RAD51B: variants seen among roughly 807,000 people sequenced by gnomAD.
The protein encoded by RAD51B is RAD51 paralog B.
A neutral mutation model predicts 42.2 loss-of-function variants in RAD51B; 38 were observed. The observed-to-expected ratio is 0.90, with a 90% confidence interval of 0.70 to 1.18. RAD51B has a LOEUF of 1.18. Ranked by LOEUF, RAD51B falls within the 50% of genes most tolerant of loss-of-function variation. The pLI is 0.00. For missense variants in RAD51B, 373 were observed against 400.7 expected (o/e 0.93, Z 0.59); for synonymous variants, 154 against 145.2 (o/e 1.06, Z -0.43).
At chr14:67,893,227 G>A (rs1013749945) in intron 7 of RAD51B, among the ~76,000 whole-genome samples, 1 of 152,024 alleles carries the variant, frequency 6.6e-6, no homozygotes. Context: ...TTGTAAGATG[G>A]TGATATTAGG....
intron 7 of RAD51B, among the ~76,000 whole-genome samples, chr14:67,915,490 T>G (rs934957744): frequency 2.6e-5 from 4 of 152,210 alleles, no homozygotes; most frequent in African/African-American, 9.7e-5. Context: ...TCTAGCTTTA[T>G]TGGCTTTTAT....
chr14:68,449,091 A>G (rs577969678), intron 9 of RAD51B, among the ~76,000 whole-genome samples: 3 of 152,352 alleles, frequency 2.0e-5, no homozygotes, highest in East Asian at 3.9e-4. Flanking sequence ...TCATAGCAGC[A>G]TAGTATTCAT....
At chr14:67,936,861 G>T (rs1241226037) in intron 7 of RAD51B, among the ~76,000 whole-genome samples, 1 of 152,006 alleles carries the variant, frequency 6.6e-6, no homozygotes, top group Non-Finnish European at 1.5e-5. Context: ...AGTGTTTATT[G>T]ACCATTTGTA....
intron 10 of RAD51B, chr14:68,541,456 G>T (rs949935064): frequency 1.0e-6 from 1 of 985,324 alleles, no homozygotes; most frequent in African/African-American, 1.7e-5. Context: ...CCTGTCAGGA[G>T]GGGGAATGGC....
chr14:68,599,569 T>C (rs1033720765), downstream of RAD51B, among the ~76,000 whole-genome samples: 7 of 152,224 alleles, frequency 4.6e-5, no homozygotes, highest in East Asian at 1.2e-3. Context: ...AGAAAGTTTT[T>C]CTTCTCACGA....
intron 8 of RAD51B, among the ~76,000 whole-genome samples, chr14:68,401,455 G>A (rs2084102292): frequency 1.3e-5 from 2 of 152,116 alleles, no homozygotes; most frequent in African/African-American, 2.4e-5. Context: ...CCCCTACCTT[G>A]TGCTATGGAG....
chr14:67,980,884 T>A lies in RAD51B; in HGVS notation c.756+93680T>A, dbSNP rs576475352. Among the ~76,000 whole-genome samples, 3 of 152,240 alleles carry A rather than the reference T, an allele frequency of 2.0e-5. No individual in the cohort carries two copies. The East Asian group carries it at 5.8e-4, about 29-fold the overall frequency. On this transcript the variant is annotated intron_variant, in intron 7 of 10. Coordinates refer to ENST00000471583, the MANE Select transcript of RAD51B (RefSeq NM_133510.4). Reference sequence around the variant, plus strand: ...ACCCATAAAAGAACAAATTGATAAGTTGAACATCATCAAAATTTAAAATTT... The same window carrying A: ...ACCCATAAAAGAACAAATTGATAAGATGAACATCATCAAAATTTAAAATTT...
chr14:68,518,381 T>C (rs879276769), intron 10 of RAD51B, among the ~76,000 whole-genome samples: 18 of 152,196 alleles, frequency 1.2e-4, no homozygotes, highest in Admixed American at 1.2e-3. Flanking sequence ...GGCCCCGGTC[T>C]GCAGGCGGGA....
At chr14:68,323,704 A>T (rs1414360547) in intron 8 of RAD51B, among the ~76,000 whole-genome samples, 1 of 152,226 alleles carries the variant, frequency 6.6e-6, no homozygotes, top group African/African-American at 2.4e-5. Context: ...CTGAGGCAGG[A>T]GAATCGCATG....
At chr14:68,604,906 A>G (rs1364584511) in intron 10 of RAD51B, among the ~76,000 whole-genome samples, 3 of 152,124 alleles carry the variant, frequency 2.0e-5, no homozygotes, top group African/African-American at 2.4e-5. Flanking sequence ...TGGACAGGTC[A>G]TGTTTACTCC....
intron 10 of RAD51B, 121 bp downstream of exon 10, chr14:68,468,371 C>A: frequency 1.9e-6 from 2 of 1,038,956 alleles, no homozygotes; most frequent in Non-Finnish European, 3.0e-6. Flanking sequence ...AACCAAGATG[C>A]ATTGGCCAGT....
intron 7 of RAD51B, among the ~76,000 whole-genome samples, chr14:68,103,259 A>T (rs962551627): frequency 6.6e-6 from 1 of 152,246 alleles, no homozygotes; most frequent in Non-Finnish European, 1.5e-5. Context: ...ATAAAACATA[A>T]TTAATAAAAT....
chr14:68,415,870 G>A (rs1031501957), intron 9 of RAD51B, among the ~76,000 whole-genome samples: 1 of 152,170 alleles, frequency 6.6e-6, no homozygotes, highest in African/African-American at 2.4e-5. Flanking sequence ...AAGTGCCCTA[G>A]AAAGAGTAAT....
At chr14:68,150,107 G>C (rs1015266367) in intron 7 of RAD51B, among the ~76,000 whole-genome samples, 8 of 152,098 alleles carry the variant, frequency 5.3e-5, no homozygotes, top group African/African-American at 1.9e-4. Context: ...ACCACGCCCA[G>C]CTAATTTTGT....
chr14:68,063,073 G>A (rs984400671), intron 7 of RAD51B, among the ~76,000 whole-genome samples: 24 of 151,954 alleles, frequency 1.6e-4, no homozygotes, highest in African/African-American at 4.8e-4. Flanking sequence ...CATTTCTTCT[G>A]TATTAGTTGT....
At chr14:68,282,071 T>A (rs934592594) in intron 7 of RAD51B, among the ~76,000 whole-genome samples, 1 of 151,422 alleles carries the variant, frequency 6.6e-6, no homozygotes. Flanking sequence ...AACCTCCACC[T>A]CCTGGGTTCA....
intron 10 of RAD51B, among the ~76,000 whole-genome samples, chr14:68,475,682 C>T (rs1280166556): frequency 6.6e-6 from 1 of 151,636 alleles, no homozygotes; most frequent in Non-Finnish European, 1.5e-5. Context: ...TTTTTCCTAC[C>T]TCCACTTTTA....
chr14:67,915,727 A>T (rs1051477188), intron 7 of RAD51B, among the ~76,000 whole-genome samples: 1 of 152,202 alleles, frequency 6.6e-6, no homozygotes, highest in African/African-American at 2.4e-5. Context: ...TACATACTCA[A>T]GAGTTGGATT....
In RAD51B at chr14:67,856,511, A is replaced by G. The variant is rs541466439; in HGVS notation, c.316-8492A>G. ...AGTTAGATGCTGGAGGTCATTAAAAAATATTTTTTAATGAAGCTTTTTTAA... is the reference window on the plus strand; with the variant it reads ...AGTTAGATGCTGGAGGTCATTAAAAGATATTTTTTAATGAAGCTTTTTTAA... On this transcript the variant is annotated intron_variant, in intron 4 of 10. Transcript: ENST00000471583. Among the ~76,000 whole-genome samples the G allele has an allele frequency of 2.0e-5, 3 of 152,326 alleles. No individual in the cohort carries two copies. In the East Asian group the frequency reaches 5.8e-4, roughly 29 times the overall value.
Sources: gnomAD v4.1 joint callset for allele counts (sites outside exome capture counted in the v4.1 genomes callset) on GRCh38, gnomAD v4.1.1 for gene constraint, MANE v1.5 for transcripts, NCBI Gene and HGNC (gene_info 2026-07-23, HGNC 2026-07-21) for gene names.